HMGB1: variants seen among roughly 807,000 people sequenced by gnomAD.
HMGB1 encodes the protein high mobility group box 1.
For synonymous variants in HMGB1, 81 were observed against 84.0 expected (o/e 0.96, Z 0.19); for missense variants, 79 against 253.5 (o/e 0.31, Z 4.67).
intron 1 of HMGB1, among the ~76,000 whole-genome samples, chr13:30,538,825 C>CT (rs1027358219): frequency 2.2e-5 from 3 of 135,198 alleles, no homozygotes; most frequent in African/African-American, 5.6e-5. Context: ...CCCTTTCTTT[C>CT]TTTTTTCTTT....
chr13:30,521,059 A>G (rs992324546), intron 1 of HMGB1, among the ~76,000 whole-genome samples: 5 of 152,002 alleles, frequency 3.3e-5, no homozygotes, highest in Admixed American at 6.6e-5. Context: ...AGATTGTGAG[A>G]CCTCTTCCAT....
At chr13:30,529,028 CAAAAAAAA>C (rs59654057) in intron 1 of HMGB1, among the ~76,000 whole-genome samples, 3 of 53,516 alleles carry the variant, frequency 5.6e-5, no homozygotes, top group African/African-American at 2.1e-4. Flanking sequence ...GACTGCGTCT[CAAAAAAAA>C]AAAAAAAAAA....
At chr13:30,556,272 G>A (rs1464090917) in intron 1 of HMGB1, among the ~76,000 whole-genome samples, 1 of 152,182 alleles carries the variant, frequency 6.6e-6, no homozygotes, top group Non-Finnish European at 1.5e-5. Flanking sequence ...AGGTGTGGTG[G>A]TGAGCAACTG....
intron 1 of HMGB1, among the ~76,000 whole-genome samples, chr13:30,533,597 T>A (rs139507672): frequency 1.9e-3 from 290 of 152,150 alleles, no homozygotes; most frequent in Non-Finnish European, 3.3e-3. Flanking sequence ...ACTCCTGACC[T>A]CGAGTGATCC....
At chr13:30,605,031 C>G (rs943396336) in intron 1 of HMGB1, among the ~76,000 whole-genome samples, 1 of 152,196 alleles carries the variant, frequency 6.6e-6, no homozygotes, top group African/African-American at 2.4e-5. Flanking sequence ...AAATAGGAAT[C>G]AGACACCAGG....
At chr13:30,574,289 C>A (rs1870554951) in intron 1 of HMGB1, among the ~76,000 whole-genome samples, 5 of 152,234 alleles carry the variant, frequency 3.3e-5, no homozygotes, top group Admixed American at 3.3e-4. Context: ...GATAGCATTA[C>A]TATCTTTCCT....
intron 1 of HMGB1, among the ~76,000 whole-genome samples, chr13:30,527,663 T>G (rs12431349): frequency 0.014 from 2,197 of 152,194 alleles, 64 homozygotes; most frequent in East Asian, 0.037. Flanking sequence ...CAAGCTCACC[T>G]TTACTCAGCC....
intron 1 of HMGB1, among the ~76,000 whole-genome samples, chr13:30,495,511 C>A (rs891476048): frequency 1.3e-5 from 2 of 148,240 alleles, no homozygotes; most frequent in African/African-American, 4.9e-5. Flanking sequence ...CGGAGTCTCG[C>A]TCTGTCGCCC....
chr13:30,597,618 C>A (rs1302338821), intron 1 of HMGB1, among the ~76,000 whole-genome samples: 2 of 152,144 alleles, frequency 1.3e-5, no homozygotes, highest in Non-Finnish European at 2.9e-5. Flanking sequence ...ATACCACAAG[C>A]CTGTCAGTTG....
In HMGB1 at chr13:30,456,749, G is replaced by A. The variant is rs1186627278; in HGVS notation, c.*4608C>T. On this transcript the variant is annotated 3_prime_UTR_variant, in exon 5 of 5. Transcript: ENST00000341423. ...AAAATGTTTCACAGCATAAATAACA[G>A]CTTTTGTGGGCGGGGGGGGGGGGTG... 6 of 84,428 alleles carry A rather than the reference G, an allele frequency of 7.1e-5. No individual in the cohort carries two copies. In the East Asian group the frequency reaches 2.1e-3, roughly 30 times the overall value. The allele number at this position is 84,428 out of a possible 1,614,324, so 5.2% of individuals were successfully genotyped here.
chr13:30,572,997 C>A (rs929980995), intron 1 of HMGB1, among the ~76,000 whole-genome samples: 2 of 152,220 alleles, frequency 1.3e-5, no homozygotes, highest in African/African-American at 4.8e-5. Flanking sequence ...GGTGTAAGCA[C>A]ACCATCAGAA....
intron 1 of HMGB1, among the ~76,000 whole-genome samples, chr13:30,465,556 T>C (rs1886732372): frequency 6.6e-6 from 1 of 150,852 alleles, no homozygotes; most frequent in Admixed American, 6.6e-5. Context: ...GGGTGGAAAC[T>C]CGCGGGGCGC....
chr13:30,596,072 C>T (rs1052115914), intron 1 of HMGB1, among the ~76,000 whole-genome samples: 1 of 152,166 alleles, frequency 6.6e-6, no homozygotes, highest in Non-Finnish European at 1.5e-5. Flanking sequence ...CAATTAAACT[C>T]AATTCCTTGG....
At position 30,472,859 on chromosome 13, in the gene HMGB1, T is replaced by TTC. The variant is rs202187854; in HGVS notation, c.-14-9166_-14-9165insGA. ...GGATCACACATACTGAAAACTTTTT[T>TTC]TTTTTTTTTTAGGGCAGTGAAAATA... On this transcript the variant is annotated intron_variant, in intron 1 of 4. Coordinates refer to the HMGB1 transcript ENST00000405805. Among the ~76,000 whole-genome samples the TTC allele has an allele frequency of 6.7e-4, 102 of 151,938 alleles. No individual in the cohort carries two copies. In the East Asian group the frequency reaches 0.017, roughly 26 times the overall value.
chr13:30,466,203 C>T (rs1886777823), upstream of HMGB1, among the ~76,000 whole-genome samples: 1 of 152,180 alleles, frequency 6.6e-6, no homozygotes, highest in Non-Finnish European at 1.5e-5. Flanking sequence ...TAACCCAAGC[C>T]AGCCCCACAC....
intron 1 of HMGB1, among the ~76,000 whole-genome samples, chr13:30,524,957 T>C (rs1888331762): frequency 6.6e-6 from 1 of 152,174 alleles, no homozygotes; most frequent in South Asian, 2.1e-4. Context: ...CAAATAAGTA[T>C]TAAACAAACA....
At chr13:30,564,945 T>A (rs1870126815) in intron 1 of HMGB1, among the ~76,000 whole-genome samples, 1 of 152,224 alleles carries the variant, frequency 6.6e-6, no homozygotes, top group African/African-American at 2.4e-5. Context: ...TAAAGAACCA[T>A]GGTCTCCTAA....
chr13:30,525,856 T>TGGGG (rs150547949), intron 1 of HMGB1, among the ~76,000 whole-genome samples: 1 of 150,230 alleles, frequency 6.7e-6, no homozygotes, highest in Non-Finnish European at 1.5e-5. Context: ...GATGAGATTG[T>TGGGG]GGGGGGACAC....
intron 1 of HMGB1, among the ~76,000 whole-genome samples, chr13:30,607,303 G>C (rs149768117): frequency 0.019 from 2,830 of 152,304 alleles, 60 homozygotes; most frequent in Middle Eastern, 0.044. Flanking sequence ...ATCTCATCTT[G>C]AATTGTAATC....
Sources: gnomAD v4.1 joint callset for allele counts (sites outside exome capture counted in the v4.1 genomes callset) on GRCh38, gnomAD v4.1.1 for gene constraint, MANE v1.5 for transcripts, NCBI Gene and HGNC (gene_info 2026-07-23, HGNC 2026-07-21) for gene names.